The following KIAA1586 variants were observed in gnomAD, a reference collection of about 807,000 sequenced individuals.
The protein encoded by KIAA1586 is KIAA1586.
KIAA1586 carries 5 observed loss-of-function variants against 6.1 expected under a neutral mutation model. The observed-to-expected ratio is 0.82, with a 90% confidence interval of 0.43 to 1.73. KIAA1586 has a LOEUF of 1.73. Ranked by LOEUF, KIAA1586 falls within the 40% of genes most tolerant of loss-of-function variation. KIAA1586 has a pLI of 0.02. For synonymous variants in KIAA1586, 280 were observed against 301.7 expected (o/e 0.93, Z 0.75); for missense variants, 899 against 878.2 (o/e 1.02, Z -0.30).
chr6:57,065,167 C>A, the KIAA1586 span, among the ~76,000 whole-genome samples: 1 of 151,988 alleles, frequency 6.6e-6, no homozygotes, highest in Non-Finnish European at 1.5e-5. Flanking sequence ...ATTTTAATTG[C>A]TTTTCCTTTT....
At chr6:57,061,697 A>C in the KIAA1586 span, among the ~76,000 whole-genome samples, 1 of 152,138 alleles carries the variant, frequency 6.6e-6, no homozygotes, top group Non-Finnish European at 1.5e-5. Context: ...GCCTAGTTTC[A>C]GGTTTTATGG....
chr6:57,054,075 C>A lies in KIAA1586; in HGVS notation c.1576C>A (p.Leu526Ile). The change falls in exon 4 of 4, where the codon CTT (leucine) becomes ATT (isoleucine). Residue 526 changes from leucine to isoleucine, a missense_variant. By Grantham distance (5) the Leu-to-Ile change is conservative (BLOSUM62 2). Coordinates refer to ENST00000370733, the MANE Select transcript of KIAA1586 (RefSeq NM_020931.4). ...AGCTAACATTAATTTCTTACAAGAC[C>A]TTGCTTTAATGATTGACATTCTTGA... ...RLANINFLQD[L>I]ALMIDILEEF... The A allele has an allele frequency of 6.2e-7, 1 of 1,610,750 alleles. No homozygotes were observed. The highest frequency in any genetic ancestry group is 1.3e-5 in the African/African-American group (1 of 74,856).
At chr6:57,059,034 G>T (rs947519206), downstream of KIAA1586, among the ~76,000 whole-genome samples, 3 of 152,114 alleles carry the variant, frequency 2.0e-5, no homozygotes, top group African/African-American at 7.2e-5. Flanking sequence ...TGATAGCTAT[G>T]TTTGGAACAA....
chr6:57,054,496 T>A lies in KIAA1586; in HGVS notation c.1997T>A (p.Val666Asp). 2 of 1,594,990 alleles carry A rather than the reference T, an allele frequency of 1.3e-6. No individual in the cohort carries two copies. The highest frequency in any genetic ancestry group is 8.5e-7 in the Non-Finnish European group (1 of 1,172,240). ...TTGTGTAAAATTTTAAAATATGAAG[T>A]TGATTTGAATGATTTTCGGGAATTT... ...FHLCKILKYE[V>D]DLNDFREFVN... The change falls in exon 4 of 4, where the codon GTT becomes GAT. Residue 666 changes from valine to aspartate, a missense_variant. Physicochemically the swap from Val to Asp is radical, Grantham distance 152 (BLOSUM62 -3). Transcript: ENST00000370733.
intron 2 of KIAA1586, among the ~76,000 whole-genome samples, chr6:57,049,205 A>G (rs1406658669): frequency 6.6e-6 from 1 of 152,210 alleles, no homozygotes; most frequent in Non-Finnish European, 1.5e-5. Flanking sequence ...GGTGCCACAT[A>G]AAAGACAATG....
downstream of KIAA1586, among the ~76,000 whole-genome samples, chr6:57,055,960 T>C (rs1040532719): frequency 1.3e-5 from 2 of 152,194 alleles, no homozygotes; most frequent in African/African-American, 2.4e-5. Context: ...TGAAATTTAG[T>C]CACCTAAAAT....
chr6:57,055,897 G>T (rs1324612802), downstream of KIAA1586, among the ~76,000 whole-genome samples: 1 of 152,126 alleles, frequency 6.6e-6, no homozygotes, highest in African/African-American at 2.4e-5. Context: ...TGAGACTTCA[G>T]CAGATGCAAA....
At chr6:57,046,935 C>G (rs1314418409) in intron 1 of KIAA1586, 159 bp downstream of exon 1, 65 of 1,024,632 alleles carry the variant, frequency 6.3e-5, no homozygotes, top group Non-Finnish European at 7.3e-5. Context: ...CGTGTCTGAG[C>G]GAGGAACCCG....
chr6:57,049,797 G>A (rs1265134411), intron 2 of KIAA1586, among the ~76,000 whole-genome samples: 3 of 152,058 alleles, frequency 2.0e-5, no homozygotes, highest in African/African-American at 7.2e-5. Flanking sequence ...TTTGCCTACA[G>A]AATAAAATCT....
At chr6:57,051,752 A>G (rs996547932) in intron 3 of KIAA1586, among the ~76,000 whole-genome samples, 1 of 152,158 alleles carries the variant, frequency 6.6e-6, no homozygotes, top group African/African-American at 2.4e-5. Context: ...TGCCCAGTAT[A>G]GTGAAACCTC....
the KIAA1586 span, among the ~76,000 whole-genome samples, chr6:57,063,450 C>CTTTTTTTTTTTTTTTTTTTTTTTGTTTTT: frequency 9.8e-6 from 1 of 102,552 alleles, no homozygotes; most frequent in African/African-American, 3.9e-5. Context: ...TATGTTATTT[C>CTTTTTTTTTTTTTTTTTTTTTTTGTTTTT]TTTTTTTTTT....
the KIAA1586 span, among the ~76,000 whole-genome samples, chr6:57,060,729 A>G: frequency 6.6e-6 from 1 of 152,198 alleles, no homozygotes; most frequent in Non-Finnish European, 1.5e-5. Context: ...GGTTTAGTCA[A>G]TTGCCAGGGT....
Position 57,054,861 on chromosome 6 carries a change from T to C in KIAA1586, c.2362T>C (p.Ter788GlnextTer10), listed in dbSNP as rs1828467202. ...TCAATTGGCTATATGGAACTTAAAA[T>C]AGAATATTGTATACGTTTTTTGTCA... ...ENQLAIWNLK[*>Q] The change falls in exon 4 of 4, where the codon TAG (stop) becomes CAG (glutamine). Residue 788 changes from the stop codon to glutamine, a stop_lost. Coordinates refer to ENST00000370733, the MANE Select transcript of KIAA1586 (RefSeq NM_020931.4). The C allele has an allele frequency of 2.6e-6, 4 of 1,543,000 alleles. No homozygotes were observed. Among genetic ancestry groups the C allele is most frequent in the African/African-American group, 2.8e-5 (2 of 72,696 alleles).
At chr6:57,060,132 A>G (rs2127915479), downstream of KIAA1586, among the ~76,000 whole-genome samples, 1 of 152,304 alleles carries the variant, frequency 6.6e-6, no homozygotes, top group East Asian at 1.9e-4. Flanking sequence ...AATCACTTAA[A>G]CAGATTTATA....
Position 57,053,962 on chromosome 6 carries a change from G to T in KIAA1586, c.1463G>T (p.Ser488Ile). The T allele has an allele frequency of 6.3e-7, 1 of 1,586,822 alleles. No individual in the cohort carries two copies. The highest frequency in any genetic ancestry group is 8.5e-7 in the Non-Finnish European group (1 of 1,170,464). The change falls in exon 4 of 4, where the codon AGT becomes ATT. Residue 488 changes from serine to isoleucine, a missense_variant. Transcript: ENST00000370733. ...RVMGPRWAACSLQAATAVWHA... is the reference protein window; with the variant it reads ...RVMGPRWAACILQAATAVWHA... ...ATGGGACCAAGATGGGCGGCATGTA[G>T]TTTACAAGCTGCTACTGCTGTATGG...
Position 57,054,429 on chromosome 6 carries a change from A to G in KIAA1586, c.1930A>G (p.Ile644Val), listed in dbSNP as rs1265418827. ...ACCTTCCACATGGCCTTATGAAGAA[A>G]TAACTTCACCATGGATAGCTGGTGA... ...LEPSTWPYEE[I>V]TSPWIAGEKT... The change falls in exon 4 of 4, where the codon ATA (isoleucine) becomes GTA (valine). Residue 644 changes from isoleucine (I) to valine (V), a missense_variant. Physicochemically the swap from Ile to Val is conservative, Grantham distance 29. Coordinates refer to ENST00000370733, the MANE Select transcript of KIAA1586 (RefSeq NM_020931.4). 9 of 1,609,664 alleles carry G rather than the reference A, an allele frequency of 5.6e-6. No homozygotes were observed. Among genetic ancestry groups the G allele is most frequent in the Admixed American group, 1.7e-5 (1 of 59,268 alleles).
chr6:57,052,856 G>GCCATCACTTTCATCAC lies in KIAA1586; in HGVS notation c.372_373insCCCATCACTTTCATCA (p.Lys125ProfsTer11). ...TTGAACAACCAATCATTGAAGAAAA[G>GCCATCACTTTCATCAC]CCATCACTTTCATCAAAGAAAGAAA... On this transcript the variant is annotated frameshift_variant, in exon 4 of 4. Transcript: ENST00000370733. LOFTEE classifies it low-confidence loss of function (END_TRUNC). 1 of 1,612,894 alleles carries GCCATCACTTTCATCAC rather than the reference G, an allele frequency of 6.2e-7. No individual in the cohort carries two copies. The highest frequency in any genetic ancestry group is 8.5e-7 in the Non-Finnish European group (1 of 1,179,514).
chr6:57,066,542 A>G, the KIAA1586 span, among the ~76,000 whole-genome samples: 2 of 152,180 alleles, frequency 1.3e-5, no homozygotes, highest in African/African-American at 4.8e-5. Flanking sequence ...GTTCTTCACA[A>G]GTTTCCTTGG....
At chr6:57,063,888 TA>T in the KIAA1586 span, among the ~76,000 whole-genome samples, 1 of 152,116 alleles carries the variant, frequency 6.6e-6, no homozygotes, top group Non-Finnish European at 1.5e-5. Context: ...GCCCTTTTTT[TA>T]AAAAAAATTG....
Sources: allele counts gnomAD v4.1 joint callset (sites outside exome capture counted in the v4.1 genomes callset), GRCh38; gene constraint gnomAD v4.1.1; transcripts MANE v1.5; gene names NCBI Gene and HGNC (gene_info 2026-07-23, HGNC 2026-07-21).